The following AUTS2 variants were observed in gnomAD, a reference collection of about 807,000 sequenced individuals.
AUTS2 encodes autism susceptibility gene 2 protein.
AUTS2 carries 17 observed loss-of-function variants against 112.4 expected under a neutral mutation model. The ratio of observed to expected loss-of-function variants is 0.15; its 90% CI spans 0.10 to 0.23. AUTS2 has a LOEUF of 0.23. Ranked by LOEUF, AUTS2 falls within the 10% of genes least tolerant of loss-of-function variation. AUTS2 has a pLI of 1.00. For synonymous variants in AUTS2, 751 were observed against 702.7 expected, an observed-to-expected ratio of 1.07 and a Z score of -1.09; for missense variants, 1,510 against 1,701.6, an observed-to-expected ratio of 0.89 and a Z score of 1.98.
At chr7:70,407,927 G>A (rs1362398801) in intron 4 of AUTS2, among the ~76,000 whole-genome samples, 2 of 151,914 alleles carry the variant, frequency 1.3e-5, no homozygotes, top group East Asian at 1.9e-4. Context: ...GGTGGCAGGC[G>A]CCTGTAGTCC....
intron 5 of AUTS2, among the ~76,000 whole-genome samples, chr7:70,539,714 C>T (rs900725245): frequency 6.6e-6 from 1 of 152,124 alleles, no homozygotes; most frequent in African/African-American, 2.4e-5. Flanking sequence ...CACTGCGAAT[C>T]GCGAGGCTCC....
Position 69,599,892 on chromosome 7 carries a change from C to T in AUTS2, c.239C>T (p.Ser80Phe). Residue 80 changes from serine (S) to phenylalanine (F), a missense_variant, in exon 1 of 19, where the codon TCC becomes TTC. Coordinates refer to ENST00000342771, the MANE Select transcript of AUTS2 (RefSeq NM_015570.4). This position sits in a 1 kb window ranked among gnomAD's most constrained non-coding sequence, Gnocchi z 7.0. The stretch of plus-strand genomic sequence containing the variant: ...CCCCCGCGGAGGAAGCGGAGAGAGT[C>T]CACCTCGGCAGAAGAGGACATCATT... Reference protein sequence around the residue: ...PRPPRRKRRESTSAEEDIIDG... With the variant: ...PRPPRRKRREFTSAEEDIIDG... The T allele has an allele frequency of 6.2e-7, 1 of 1,613,550 alleles. No individual in the cohort carries two copies. Among genetic ancestry groups the T allele is most frequent in the Non-Finnish European group, 8.5e-7 (1 of 1,179,954 alleles).
At chr7:70,203,034 A>G (rs1368880359) in intron 4 of AUTS2, among the ~76,000 whole-genome samples, 2 of 143,204 alleles carry the variant, frequency 1.4e-5, no homozygotes, top group Non-Finnish European at 3.0e-5. Flanking sequence ...TGATGAGTTC[A>G]TATCCTTTGT....
intron 4 of AUTS2, among the ~76,000 whole-genome samples, chr7:70,160,380 A>T (rs555796894): frequency 6.6e-6 from 1 of 152,286 alleles, no homozygotes; most frequent in South Asian, 2.1e-4. Flanking sequence ...TGCTCACTTT[A>T]ATTCTAGATG....
intron 1 of AUTS2, among the ~76,000 whole-genome samples, chr7:69,746,121 T>G (rs1787488149): frequency 6.6e-6 from 1 of 152,202 alleles, no homozygotes; most frequent in East Asian, 1.9e-4. Flanking sequence ...GCAATCCTCC[T>G]GCCCTAGCCT....
intron 4 of AUTS2, among the ~76,000 whole-genome samples, chr7:70,294,674 G>A (rs187985980): frequency 7.4e-4 from 112 of 152,270 alleles, no homozygotes; most frequent in Non-Finnish European, 1.1e-3. Context: ...GGCTGGTTTG[G>A]ACAGGCGAAT....
In AUTS2 at chr7:69,704,926, G is replaced by C. The variant is rs374208207; in HGVS notation, c.309+104964G>C. ...CTGTCACCCAGGCTAGAGTGCAGTGGCACAATCACAACTCACTGCAGCCTC... is the reference window on the plus strand; with the variant it reads ...CTGTCACCCAGGCTAGAGTGCAGTGCCACAATCACAACTCACTGCAGCCTC... On this transcript the variant is annotated intron_variant, in intron 1 of 18. Coordinates refer to ENST00000342771, the MANE Select transcript of AUTS2 (RefSeq NM_015570.4). Among the ~76,000 whole-genome samples the C allele has an allele frequency of 6.6e-5, 10 of 152,184 alleles. No individual in the cohort carries two copies. In the South Asian group the frequency reaches 2.1e-3, roughly 32 times the overall value.
At chr7:69,699,377 T>C (rs1254917718) in intron 1 of AUTS2, among the ~76,000 whole-genome samples, 1 of 152,164 alleles carries the variant, frequency 6.6e-6, no homozygotes, top group East Asian at 1.9e-4. Flanking sequence ...GTGTGTACTC[T>C]CCTATTTGTG....
intron 1 of AUTS2, among the ~76,000 whole-genome samples, chr7:69,883,668 G>A (rs535376551): frequency 2.6e-5 from 4 of 152,172 alleles, no homozygotes; most frequent in Non-Finnish European, 4.4e-5. Context: ...GCCATCCAAG[G>A]CCCAGTTTAA....
intron 4 of AUTS2, among the ~76,000 whole-genome samples, chr7:70,299,047 T>A (rs1234548085): frequency 2.2e-4 from 33 of 152,242 alleles, no homozygotes; most frequent in Admixed American, 2.2e-3. Flanking sequence ...ATCAGTTCAA[T>A]GAAAATGCAA....
At chr7:70,609,495 T>C (rs13237317) in intron 5 of AUTS2, among the ~76,000 whole-genome samples, 14,457 of 150,764 alleles carry the variant, frequency 0.096, 837 homozygotes, top group Middle Eastern at 0.2. Context: ...CCCAGGTTCG[T>C]GCTATTCTCC....
intron 4 of AUTS2, among the ~76,000 whole-genome samples, chr7:70,321,351 C>T (rs901632373): frequency 1.2e-4 from 19 of 152,170 alleles, no homozygotes; most frequent in Admixed American, 7.9e-4. Context: ...AATAGCTTTG[C>T]GTTAGGTCTC....
At chr7:70,419,794 T>A (rs976580308) in intron 4 of AUTS2, among the ~76,000 whole-genome samples, 1 of 152,158 alleles carries the variant, frequency 6.6e-6, no homozygotes, top group African/African-American at 2.4e-5. Flanking sequence ...CATTTACATG[T>A]TTTTTTCTAA....
At chr7:70,343,651 T>G (rs1791371364) in intron 4 of AUTS2, among the ~76,000 whole-genome samples, 1 of 152,124 alleles carries the variant, frequency 6.6e-6, no homozygotes, top group South Asian at 2.1e-4. Flanking sequence ...GTAAGGGAAA[T>G]TTTATGGATA....
At chr7:70,715,757 C>T (rs920171020) in intron 6 of AUTS2, among the ~76,000 whole-genome samples, 3 of 151,986 alleles carry the variant, frequency 2.0e-5, no homozygotes, top group Non-Finnish European at 2.9e-5. Context: ...GTCTCCAACC[C>T]CTGACCTCAA....
intron 5 of AUTS2, among the ~76,000 whole-genome samples, chr7:70,659,763 G>C (rs781009328): frequency 3.9e-5 from 6 of 152,150 alleles, no homozygotes; most frequent in Admixed American, 6.5e-5. Context: ...CATATACATA[G>C]TGTAATGTCA....
intron 5 of AUTS2, among the ~76,000 whole-genome samples, chr7:70,577,181 C>G (rs763029775): frequency 3.9e-5 from 6 of 152,296 alleles, no homozygotes; most frequent in South Asian, 2.1e-4. Context: ...AATAATTGAG[C>G]CTTTTTTGAA....
chr7:69,634,218 C>G (rs1794412969), intron 1 of AUTS2, among the ~76,000 whole-genome samples: 1 of 151,678 alleles, frequency 6.6e-6, no homozygotes, highest in Non-Finnish European at 1.5e-5. Flanking sequence ...CTCCCGGGTT[C>G]ACGCCATTCT....
At chr7:70,269,954 G>A (rs944727553) in intron 4 of AUTS2, among the ~76,000 whole-genome samples, 4 of 152,084 alleles carry the variant, frequency 2.6e-5, no homozygotes, top group African/African-American at 4.8e-5. Flanking sequence ...TGGAAGGATC[G>A]CTTAAGCATA....
Sources: gnomAD v4.1 joint callset for allele counts (sites outside exome capture counted in the v4.1 genomes callset) on GRCh38, gnomAD v4.1.1 for gene constraint, Gnocchi (gnomAD v3.1) non-coding constraint, MANE v1.5 for transcripts, NCBI Gene and HGNC (gene_info 2026-07-23, HGNC 2026-07-21) for gene names.